ABCA9: variants seen among roughly 807,000 people sequenced by gnomAD.
ABCA9 encodes ATP binding cassette subfamily A member 9.
In ABCA9, 183 loss-of-function variants were observed where a neutral mutation model predicts 205.3. The ratio of observed to expected loss-of-function variants is 0.89; its 90% CI spans 0.79 to 1.01. ABCA9 has a LOEUF of 1.01. Among genes scored for constraint, ABCA9 ranks in the 50% least tolerant of loss-of-function variants. ABCA9 has a pLI of 0.00. For synonymous variants in ABCA9, 651 were observed against 683.3 expected (o/e 0.95, Z 0.74); for missense variants, 1,805 against 1,912.4 (o/e 0.94, Z 1.05).
chr17:69,041,050 A>G (rs2071518584), intron 6 of ABCA9, among the ~76,000 whole-genome samples: 2 of 152,212 alleles, frequency 1.3e-5, no homozygotes, highest in Admixed American at 1.3e-4. Flanking sequence ...TCTGGTGGAA[A>G]ACAGGAAAAT....
chr17:68,989,120 TGAAA>T lies in ABCA9; in HGVS notation c.3956-6_3956-3del. The T allele has an allele frequency of 6.3e-7, 1 of 1,578,700 alleles. No individual in the cohort carries two copies. The highest frequency in any genetic ancestry group is 8.7e-7 in the Non-Finnish European group (1 of 1,148,418). On this transcript the variant is annotated splice_polypyrimidine_tract_variant and splice_region_variant and intron_variant, in intron 30 of 38. Coordinates refer to ENST00000340001, the MANE Select transcript of ABCA9 (RefSeq NM_080283.4). ...GTCCTAACAGTCCTATAACTTCACC[TGAAA>T]GAAAGTGGTATGCTCAGAAATATAC...
At chr17:68,991,877 G>T (rs2069464798) in intron 28 of ABCA9, among the ~76,000 whole-genome samples, 1 of 152,040 alleles carries the variant, frequency 6.6e-6, no homozygotes, top group South Asian at 2.1e-4. Context: ...CTTTCCCAAT[G>T]CTTATCTATA....
At chr17:69,014,145 A>C (rs912003296) in intron 22 of ABCA9, among the ~76,000 whole-genome samples, 1 of 152,162 alleles carries the variant, frequency 6.6e-6, no homozygotes, top group African/African-American at 2.4e-5. Flanking sequence ...CTGTCTAATA[A>C]TAACACAAGT....
At chr17:69,019,150 T>G (rs933171323) in intron 19 of ABCA9, among the ~76,000 whole-genome samples, 2 of 152,152 alleles carry the variant, frequency 1.3e-5, no homozygotes, top group African/African-American at 4.8e-5. Context: ...GGGCTTTTAT[T>G]AACTCCTTCC....
intron 14 of ABCA9, 26 bp from the exon 15 acceptor site, chr17:69,027,140 A>T (rs2071018417): frequency 6.2e-7 from 1 of 1,609,796 alleles, no homozygotes; most frequent in Non-Finnish European, 8.5e-7. Flanking sequence ...GTCCTAAAGT[A>T]ATTCCACCCT....
Position 69,008,061 on chromosome 17 carries a change from C to T in ABCA9, c.3321+1G>A, listed in dbSNP as rs1277737959. 6 of 1,599,732 alleles carry T rather than the reference C, an allele frequency of 3.8e-6. No individual in the cohort carries two copies. The highest frequency in any genetic ancestry group is 5.1e-6 in the Non-Finnish European group (6 of 1,171,704). Reference sequence around the variant, plus strand: ...ACCATTTCAAAATTGCTGCCACTTACTTGAATTAACAGGTTTTGAATTATA... The same window carrying T: ...ACCATTTCAAAATTGCTGCCACTTATTTGAATTAACAGGTTTTGAATTATA... On this transcript the variant is annotated splice_donor_variant, in intron 24 of 38. Transcript: ENST00000340001. LOFTEE classifies it high-confidence loss of function.
At chr17:69,077,365 G>C in the ABCA9 span, among the ~76,000 whole-genome samples, 1 of 152,138 alleles carries the variant, frequency 6.6e-6, no homozygotes, top group African/African-American at 2.4e-5. Flanking sequence ...TGTGGTCTGA[G>C]AGTATGGTTG....
At chr17:69,061,172 G>C, upstream of ABCA9, 2 of 984,638 alleles carry the variant, frequency 2.0e-6, no homozygotes, top group Non-Finnish European at 2.4e-6. Context: ...AAAACATTAG[G>C]AACTATCAAA....
At chr17:68,985,889 G>A (rs544822097) in intron 32 of ABCA9, among the ~76,000 whole-genome samples, 3 of 152,006 alleles carry the variant, frequency 2.0e-5, no homozygotes, top group Non-Finnish European at 4.4e-5. Context: ...CCCAAGAGGC[G>A]GAGGTTGCAC....
Position 68,993,002 on chromosome 17 carries a change from A to G in ABCA9, c.3624+14T>C. ...TCCCTCATGCAAGAATGTTGAAAAA[A>G]AAAGTCTTCTTACTATTAGCAGTGC... On this transcript the variant is annotated intron_variant, in intron 27 of 38. Coordinates refer to ENST00000340001, the MANE Select transcript of ABCA9 (RefSeq NM_080283.4). The G allele has an allele frequency of 1.2e-6, 2 of 1,601,352 alleles. No homozygotes were observed. Among genetic ancestry groups the G allele is most frequent in the Admixed American group, 1.7e-5 (1 of 59,208 alleles).
At chr17:69,024,941 T>TAATC (rs2070932428) in intron 16 of ABCA9, among the ~76,000 whole-genome samples, 2 of 152,282 alleles carry the variant, frequency 1.3e-5, no homozygotes, top group Admixed American at 6.5e-5. Context: ...ACTCCACTGT[T>TAATC]AATCACATAC....
At chr17:69,075,402 T>A in the ABCA9 span, among the ~76,000 whole-genome samples, 2 of 152,204 alleles carry the variant, frequency 1.3e-5, no homozygotes, top group African/African-American at 4.8e-5. Flanking sequence ...CTTTGATTCA[T>A]CTTGAGTTAA....
chr17:69,018,597 T>G lies in ABCA9; in HGVS notation c.2601-18A>C. 6.5e-7 allele frequency: 1 copy of G among 1,532,106 alleles called. No homozygotes were observed. Among genetic ancestry groups the G allele is most frequent in the Non-Finnish European group, 8.7e-7 (1 of 1,147,834 alleles). 94.9% of individuals were successfully genotyped at this position (1,532,106 alleles called of 1,614,324 possible). ...GCAATAATCTATGCAGAGGAAAATG[T>G]AAAAGAAAAAAATAATTTTAGCAAC... is the stretch of plus-strand genomic sequence containing the variant. On this transcript the variant is annotated intron_variant, in intron 19 of 38. Transcript: ENST00000340001.
the ABCA9 span, among the ~76,000 whole-genome samples, chr17:69,077,972 A>T: frequency 5.9e-5 from 9 of 152,242 alleles, no homozygotes; most frequent in South Asian, 1.0e-3. Flanking sequence ...AAATGATTTT[A>T]AAAAATATCA....
At position 69,026,475 on chromosome 17, in the gene ABCA9, G is replaced by C; in HGVS notation, c.2051-8C>G. 6.2e-7 allele frequency: 1 copy of C among 1,606,162 alleles called. No homozygotes were observed. The highest frequency in any genetic ancestry group is 1.1e-5 in the South Asian group (1 of 90,650). On this transcript the variant is annotated splice_polypyrimidine_tract_variant and splice_region_variant and intron_variant, in intron 15 of 38. Coordinates refer to ENST00000340001, the MANE Select transcript of ABCA9 (RefSeq NM_080283.4). ...ATATGAACACCTTCCTGTCTAGTTA[G>C]AAATAATCAAAAGATAAGTTACATG...
At chr17:69,063,699 A>C (rs1411827359), upstream of ABCA9, among the ~76,000 whole-genome samples, 2 of 151,954 alleles carry the variant, frequency 1.3e-5, no homozygotes, top group Admixed American at 1.3e-4. Context: ...CAGCCTCCCA[A>C]GTAGCTGGAA....
At position 69,043,587 on chromosome 17, in the gene ABCA9, A is replaced by G; in HGVS notation, c.702T>C (p.Phe234=). Residue 234 remains phenylalanine (F), a synonymous_variant, in exon 6 of 39, where the codon TTT becomes TTC. Transcript: ENST00000340001. ...DFFIFFCIIS[F]STFIYYVSVN... ...CTGATACATAGTATATAAATGTAGAAAAAGAAATAATGCAAAAGAAAATGA... is the reference window on the plus strand; with the variant it reads ...CTGATACATAGTATATAAATGTAGAGAAAGAAATAATGCAAAAGAAAATGA... The G allele has an allele frequency of 6.2e-7, 1 of 1,612,910 alleles. No homozygotes were observed. The highest frequency in any genetic ancestry group is 1.3e-5 in the African/African-American group (1 of 74,986).
At position 69,026,999 on chromosome 17, in the gene ABCA9, A is replaced by G; in HGVS notation, c.2027T>C (p.Ile676Thr). 1 of 1,614,116 alleles carries G rather than the reference A, an allele frequency of 6.2e-7. No individual in the cohort carries two copies. The highest frequency in any genetic ancestry group is 8.5e-7 in the Non-Finnish European group (1 of 1,179,986). ...DRVILFSTQF[I>T]DEADILADRK... ...ACCCGCCAGAATGTCAGCCTCATCT[A>G]TAAACTGGGTGCTGAAGAGAATTAC... The change falls in exon 15 of 39, where the codon ATA becomes ACA. Residue 676 changes from isoleucine to threonine, a missense_variant. Transcript: ENST00000340001.
At chr17:69,029,829 GA>G (rs2071102703) in intron 10 of ABCA9, among the ~76,000 whole-genome samples, 3 of 152,118 alleles carry the variant, frequency 2.0e-5, no homozygotes, top group Admixed American at 6.5e-5. Flanking sequence ...AACTTCCAAA[GA>G]AGATGAGAGA....
Sources: allele counts gnomAD v4.1 joint callset (sites outside exome capture counted in the v4.1 genomes callset), GRCh38; gene constraint gnomAD v4.1.1; transcripts MANE v1.5; gene names NCBI Gene and HGNC (gene_info 2026-07-23, HGNC 2026-07-21).